Variants in GLDC observed in about 807,000 individuals in gnomAD.
GLDC encodes glycine dehydrogenase (decarboxylating), mitochondrial.
Under a neutral mutation model 121.3 loss-of-function variants are expected in GLDC, and 104 were observed. The observed-to-expected ratio is 0.86, with a 90% CI of 0.73 to 1.01. GLDC has a LOEUF of 1.01. Among genes scored for constraint, GLDC ranks in the 50% least tolerant of loss-of-function variants. GLDC has a pLI of 0.00. For missense variants in GLDC, 1,429 were observed against 1,306.6 expected, an observed-to-expected ratio of 1.09 and a Z score of -1.44; for synonymous variants, 546 against 480.6, an observed-to-expected ratio of 1.14 and a Z score of -1.78.
At chr9:6,582,499 C>G (rs1204380572) in intron 15 of GLDC, among the ~76,000 whole-genome samples, 1 of 150,760 alleles carries the variant, frequency 6.6e-6, no homozygotes, top group Non-Finnish European at 1.5e-5. Context: ...CCAGGCTGGA[C>G]AACAGAGCAG....
At chr9:6,546,057 G>A (rs1817381411) in intron 21 of GLDC, among the ~76,000 whole-genome samples, 2 of 152,132 alleles carry the variant, frequency 1.3e-5, no homozygotes, top group Middle Eastern at 3.4e-3. Context: ...CTTTTTCAAT[G>A]TCCTTATTCT....
chr9:6,557,826 G>A (rs1217146970), intron 17 of GLDC: 1 of 153,990 alleles, frequency 6.5e-6, no homozygotes, highest in Non-Finnish European at 1.4e-5. Context: ...CTATAATGGA[G>A]GGACTTAATA....
chr9:6,628,968 A>C (rs1350290976), intron 2 of GLDC, among the ~76,000 whole-genome samples: 2 of 152,070 alleles, frequency 1.3e-5, no homozygotes, highest in Non-Finnish European at 2.9e-5. Context: ...CTAATGTACC[A>C]AGAACAGAGT....
chr9:6,551,353 TC>T (rs1817510554), intron 20 of GLDC, among the ~76,000 whole-genome samples: 1 of 152,222 alleles, frequency 6.6e-6, no homozygotes, highest in African/African-American at 2.4e-5. Flanking sequence ...TTTCCCATTG[TC>T]CCTAGTAGAG....
intron 7 of GLDC, 32 bp downstream of exon 7, chr9:6,604,556 C>A: frequency 1.3e-6 from 2 of 1,561,596 alleles, no homozygotes; most frequent in Non-Finnish European, 1.8e-6. Flanking sequence ...ATCATAATCA[C>A]AATAAAAGTA....
chr9:6,601,986 G>C (rs1258700773), intron 8 of GLDC, 123 bp downstream of exon 8: 1 of 706,348 alleles, frequency 1.4e-6, no homozygotes, highest in East Asian at 2.7e-5. Flanking sequence ...ATAAGATCTT[G>C]CCATTTCTGG....
intron 21 of GLDC, among the ~76,000 whole-genome samples, chr9:6,544,637 T>C (rs1246337219): frequency 3.6e-5 from 1 of 27,600 alleles, no homozygotes; most frequent in South Asian, 1.1e-3. Context: ...AGACTCTGTC[T>C]CAAAAAAAAA....
chr9:6,587,795 C>G lies in GLDC; in HGVS notation c.1708-512G>C, dbSNP rs374874450. Among the ~76,000 whole-genome samples the G allele has an allele frequency of 5.9e-5, 9 of 152,056 alleles. No homozygotes were observed. In the South Asian group the frequency reaches 1.0e-3, roughly 18 times the overall value. The stretch of plus-strand genomic sequence containing the variant: ...ACTGGCAAACACAGCAAGACCTTGA[C>G]TCTATTTTTTAAAAAAATAGAGAGG... On this transcript the variant is annotated intron_variant, in intron 14 of 24. Transcript: ENST00000321612.
At position 6,610,189 on chromosome 9, in the gene GLDC, C is replaced by G. The variant is rs773974856; in HGVS notation, c.635+3G>C. 5.6e-6 allele frequency: 9 copies of G among 1,607,654 alleles called. No individual in the cohort carries two copies. Among genetic ancestry groups the G allele is most frequent in the Non-Finnish European group, 7.6e-6 (9 of 1,176,862 alleles). On this transcript the variant is annotated splice_donor_region_variant and intron_variant, in intron 4 of 24. Coordinates refer to ENST00000321612, the MANE Select transcript of GLDC (RefSeq NM_000170.3). ...AATTCCAGCACTTTGAGAGGCCTCT[C>G]ACCTGTAGCACAGCTGCAGTGCCTC...
At chr9:6,626,940 C>T (rs1819254860) in intron 2 of GLDC, among the ~76,000 whole-genome samples, 1 of 152,224 alleles carries the variant, frequency 6.6e-6, no homozygotes, top group Non-Finnish European at 1.5e-5. Context: ...TACAAATCAG[C>T]ATCCTGCAGA....
At chr9:6,626,232 C>A (rs1337083857) in intron 2 of GLDC, among the ~76,000 whole-genome samples, 1 of 152,070 alleles carries the variant, frequency 6.6e-6, no homozygotes, top group Non-Finnish European at 1.5e-5. Context: ...GCAGAGGCCA[C>A]CTCCTGAGAA....
chr9:6,622,880 G>A (rs960758592), intron 2 of GLDC: 22 of 199,886 alleles, frequency 1.1e-4, no homozygotes, highest in African/African-American at 4.7e-4. Flanking sequence ...TGTGGGGAGC[G>A]CCTCTGCCCC....
intron 2 of GLDC, among the ~76,000 whole-genome samples, chr9:6,622,155 C>CACAG (rs1233898117): frequency 1.9e-5 from 2 of 107,040 alleles, no homozygotes; most frequent in African/African-American, 8.9e-5. Flanking sequence ...ACCACACACA[C>CACAG]ACAGACACAC....
chr9:6,579,773 C>T (rs1483130382), intron 15 of GLDC, among the ~76,000 whole-genome samples: 7 of 152,216 alleles, frequency 4.6e-5, no homozygotes, highest in Non-Finnish European at 8.8e-5. Flanking sequence ...CTTTGCCTCA[C>T]GCCAGTGCCT....
chr9:6,586,285 A>C (rs1412736060), intron 15 of GLDC, among the ~76,000 whole-genome samples: 1 of 152,110 alleles, frequency 6.6e-6, no homozygotes, highest in Non-Finnish European at 1.5e-5. Flanking sequence ...ACAAGAGCAA[A>C]ACTCCATCTA....
chr9:6,629,472 C>T (rs1819316555), intron 2 of GLDC, among the ~76,000 whole-genome samples: 1 of 151,954 alleles, frequency 6.6e-6, no homozygotes, highest in African/African-American at 2.4e-5. Context: ...GCCTCGGCCC[C>T]CAAGTAGCTG....
chr9:6,545,087 G>A (rs1164759549), intron 21 of GLDC, among the ~76,000 whole-genome samples: 3 of 140,584 alleles, frequency 2.1e-5, no homozygotes, highest in African/African-American at 5.6e-5. Flanking sequence ...TAACAAGAGC[G>A]AAACTCTGTC....
At chr9:6,533,773 G>A (rs897709804) in intron 24 of GLDC, among the ~76,000 whole-genome samples, 5 of 151,198 alleles carry the variant, frequency 3.3e-5, no homozygotes, top group African/African-American at 9.7e-5. Flanking sequence ...TAGGAGAATC[G>A]CTTTAACCTG....
At chr9:6,633,821 CTTTTT>C (rs1156711956) in intron 2 of GLDC, among the ~76,000 whole-genome samples, 6 of 89,462 alleles carry the variant, frequency 6.7e-5, no homozygotes, top group Admixed American at 1.5e-4. Context: ...GCAGGAGAAT[CTTTTT>C]TTTTTTTTTT....
Sources: gnomAD v4.1 joint callset for allele counts (sites outside exome capture counted in the v4.1 genomes callset) on GRCh38, gnomAD v4.1.1 for gene constraint, MANE v1.5 for transcripts, NCBI Gene and HGNC (gene_info 2026-07-23, HGNC 2026-07-21) for gene names.